Variants in METTL15 observed in about 807,000 individuals in gnomAD.
The protein encoded by METTL15 is methyltransferase 15, mitochondrial 12S rRNA N4-cytidine.
In METTL15, 34 loss-of-function variants were observed where a neutral mutation model predicts 38.3. That is an observed-to-expected ratio of 0.89 (90% CI 0.68 to 1.18). The LOEUF is 1.18. METTL15 is among the 50% of genes most tolerant of loss of function. The pLI is 0.00. For synonymous variants in METTL15, 162 were observed against 170.9 expected (o/e 0.95, Z 0.41); for missense variants, 438 against 498.4 (o/e 0.88, Z 1.15).
At chr11:28,430,128 C>G (rs1269873098) in intron 6 of METTL15, among the ~76,000 whole-genome samples, 3 of 151,310 alleles carry the variant, frequency 2.0e-5, no homozygotes, top group African/African-American at 7.3e-5. Flanking sequence ...TGGCAACCAC[C>G]CCGTCTGAGA....
intron 3 of METTL15, among the ~76,000 whole-genome samples, chr11:28,120,386 C>T (rs1852175202): frequency 6.6e-6 from 1 of 150,392 alleles, no homozygotes; most frequent in South Asian, 2.1e-4. Flanking sequence ...TTGCATTCTT[C>T]CTTTGTTTGG....
chr11:28,218,901 G>A lies in METTL15; in HGVS notation c.407+7703G>A, dbSNP rs59885034. Among the ~76,000 whole-genome samples, 21 of 152,302 alleles carry A rather than the reference G, an allele frequency of 1.4e-4. No homozygotes were observed. In the East Asian group the frequency reaches 4.1e-3, roughly 29 times the overall value. On this transcript the variant is annotated intron_variant, in intron 4 of 6. Transcript: ENST00000407364. ...TATTGAAGCAGCCTTGCATCCCAGGGATGAAGCCCACTTGATCATGGTGGA... is the reference window on the plus strand; with the variant it reads ...TATTGAAGCAGCCTTGCATCCCAGGAATGAAGCCCACTTGATCATGGTGGA...
intron 5 of METTL15, among the ~76,000 whole-genome samples, chr11:28,413,954 A>C (rs1850750755): frequency 6.6e-6 from 1 of 152,260 alleles, no homozygotes; most frequent in South Asian, 2.1e-4. Context: ...CTATTTGTGC[A>C]CTAATAGTTA....
intron 3 of METTL15, among the ~76,000 whole-genome samples, chr11:28,153,081 G>A (rs551177165): frequency 1.9e-4 from 29 of 152,038 alleles, no homozygotes; most frequent in African/African-American, 6.7e-4. Context: ...CACTTTCATG[G>A]CCATCTTGGT....
At chr11:28,395,916 T>A (rs910130435) in intron 5 of METTL15, among the ~76,000 whole-genome samples, 6 of 152,098 alleles carry the variant, frequency 3.9e-5, no homozygotes, top group African/African-American at 1.4e-4. Context: ...GTGGGCTTCA[T>A]CCCTGGGATG....
intron 6 of METTL15, among the ~76,000 whole-genome samples, chr11:28,499,274 T>G (rs929946078): frequency 3.9e-5 from 6 of 152,106 alleles, no homozygotes; most frequent in Non-Finnish European, 5.9e-5. Context: ...GCTTGAGGAG[T>G]GTTTCAGACA....
At chr11:28,281,863 G>T (rs1856067740) in intron 4 of METTL15, among the ~76,000 whole-genome samples, 1 of 152,162 alleles carries the variant, frequency 6.6e-6, no homozygotes, top group Non-Finnish European at 1.5e-5. Flanking sequence ...GAGTGGTAAA[G>T]GTTTGGGACC....
chr11:28,480,281 C>T (rs1247628976), intron 6 of METTL15, among the ~76,000 whole-genome samples: 2 of 152,160 alleles, frequency 1.3e-5, no homozygotes, highest in South Asian at 2.1e-4. Context: ...AATACTCCCA[C>T]TGTGACTGAT....
At chr11:28,465,185 G>A (rs536798911) in intron 6 of METTL15, among the ~76,000 whole-genome samples, 5 of 152,088 alleles carry the variant, frequency 3.3e-5, no homozygotes, top group South Asian at 2.1e-4. Context: ...GTCTTTCAAC[G>A]GTAATGACCA....
chr11:28,358,160 C>T (rs554528630), intron 4 of METTL15, among the ~76,000 whole-genome samples: 6 of 152,190 alleles, frequency 3.9e-5, no homozygotes, highest in African/African-American at 1.4e-4. Context: ...GACATAGAGA[C>T]CTCAATTCTA....
At chr11:28,297,025 G>A in intron 6 of METTL15, 94 bp downstream of exon 6, 1 of 1,282,778 alleles carries the variant, frequency 7.8e-7, no homozygotes, top group Non-Finnish European at 1.1e-6. Context: ...ACATGTGTGT[G>A]TGCATTAATC....
chr11:28,254,981 G>GT (rs966116735), intron 4 of METTL15, among the ~76,000 whole-genome samples: 8 of 151,980 alleles, frequency 5.3e-5, no homozygotes, highest in African/African-American at 1.9e-4. Context: ...TCTTAGGATT[G>GT]TTTTTTTCTA....
At chr11:28,312,658 T>C (rs1274537896) in intron 6 of METTL15, among the ~76,000 whole-genome samples, 2 of 152,210 alleles carry the variant, frequency 1.3e-5, no homozygotes, top group East Asian at 1.9e-4. Flanking sequence ...ATTTGGTTCA[T>C]GGTTCTGGAG....
chr11:28,216,548 T>C (rs1018833840), intron 4 of METTL15, among the ~76,000 whole-genome samples: 1 of 152,070 alleles, frequency 6.6e-6, no homozygotes, highest in Non-Finnish European at 1.5e-5. Context: ...ATATACACAA[T>C]CTAGTAGTGA....
Position 28,113,462 on chromosome 11 carries a change from A to G in METTL15, c.128A>G (p.Tyr43Cys), listed in dbSNP as rs1304813003. The G allele has an allele frequency of 3.7e-6, 6 of 1,612,026 alleles. No individual in the cohort carries two copies. The highest frequency in any genetic ancestry group is 1.3e-5 in the African/African-American group (1 of 74,846). Residue 43 changes from tyrosine to cysteine, a missense_variant, in exon 3 of 7, where the codon TAT (tyrosine) becomes TGT (cysteine). Transcript: ENST00000407364. The stretch of plus-strand genomic sequence containing the variant: ...ACTACAGCAGAAAAATATAGAGAAT[A>G]TGAAGCCCGGGAGCAAACAGATCAA... The part of the protein sequence containing the change: ...IHTTAEKYRE[Y>C]EAREQTDQTQ...
At chr11:28,165,518 G>T (rs1850628232) in intron 3 of METTL15, among the ~76,000 whole-genome samples, 1 of 151,658 alleles carries the variant, frequency 6.6e-6, no homozygotes, top group Non-Finnish European at 1.5e-5. Flanking sequence ...TTTTTTAATT[G>T]GTTTACTTGT....
At chr11:28,250,826 T>G (rs1470755907) in intron 4 of METTL15, among the ~76,000 whole-genome samples, 1 of 152,050 alleles carries the variant, frequency 6.6e-6, no homozygotes, top group Admixed American at 6.6e-5. Flanking sequence ...CATTCAAAAC[T>G]TTGCTATTTC....
intron 6 of METTL15, among the ~76,000 whole-genome samples, chr11:28,454,580 G>T (rs550858156): frequency 4.2e-4 from 64 of 152,178 alleles, no homozygotes; most frequent in African/African-American, 1.5e-3. Flanking sequence ...CATTTAGCAT[G>T]GGCCACTAAT....
At chr11:28,411,392 G>A (rs1451109513) in intron 5 of METTL15, among the ~76,000 whole-genome samples, 1 of 151,958 alleles carries the variant, frequency 6.6e-6, no homozygotes, top group Non-Finnish European at 1.5e-5. Flanking sequence ...CAGAAATATA[G>A]ACCAAGGGAA....
Sources: allele counts gnomAD v4.1 joint callset (sites outside exome capture counted in the v4.1 genomes callset), GRCh38; gene constraint gnomAD v4.1.1; transcripts MANE v1.5; gene names NCBI Gene and HGNC (gene_info 2026-07-23, HGNC 2026-07-21).